Variants in ANO4 observed in about 807,000 individuals in gnomAD.
ANO4 encodes the protein anoctamin-4.
A neutral mutation model predicts 141.9 loss-of-function variants in ANO4; 69 were observed. The ratio of observed to expected loss-of-function variants is 0.49; its 90% CI spans 0.40 to 0.59. The LOEUF (loss-of-function observed/expected upper bound fraction) is 0.59, where lower values mean the gene tolerates loss of function less well. Ranked by LOEUF, ANO4 falls within the 20% of genes least tolerant of loss-of-function variation. The pLI is 0.00. For missense variants in ANO4, 894 were observed against 1,162.2 expected, an observed-to-expected ratio of 0.77 and a Z score of 3.36; for synonymous variants, 350 against 394.3, an observed-to-expected ratio of 0.89 and a Z score of 1.33.
intron 1 of ANO4, among the ~76,000 whole-genome samples, chr12:100,864,539 T>A (rs1221376494): frequency 6.6e-6 from 1 of 152,140 alleles, no homozygotes; most frequent in African/African-American, 2.4e-5. Flanking sequence ...TTCCTCTTCC[T>A]TTCGTAGGAT....
intron 16 of ANO4, among the ~76,000 whole-genome samples, chr12:101,085,242 G>A (rs1254676486): frequency 2.0e-5 from 3 of 152,270 alleles, no homozygotes; most frequent in African/African-American, 7.2e-5. Context: ...AGGTCTCTAA[G>A]ACATGTTAAT....
chr12:100,983,591 G>A (rs932174783), intron 7 of ANO4, among the ~76,000 whole-genome samples: 2 of 152,178 alleles, frequency 1.3e-5, no homozygotes, highest in African/African-American at 4.8e-5. Context: ...TTGGCTGAAA[G>A]TCTTCCTCAG....
chr12:100,945,258 G>T (rs1313617892), intron 5 of ANO4, among the ~76,000 whole-genome samples: 1 of 152,116 alleles, frequency 6.6e-6, no homozygotes, highest in South Asian at 2.1e-4. Flanking sequence ...TGAATTTCAA[G>T]AAACACAACT....
At chr12:100,793,445 A>G (rs1166586883), upstream of ANO4, among the ~76,000 whole-genome samples, 1 of 152,132 alleles carries the variant, frequency 6.6e-6, no homozygotes, top group Non-Finnish European at 1.5e-5. Context: ...AAGCTGTGGT[A>G]TTCAGGCTCC....
At chr12:100,952,638 G>A (rs1358409780) in intron 5 of ANO4, among the ~76,000 whole-genome samples, 1 of 152,172 alleles carries the variant, frequency 6.6e-6, no homozygotes, top group Non-Finnish European at 1.5e-5. Context: ...CCCCATATCA[G>A]TCTGTAGAAT....
chr12:101,031,169 C>T (rs1378401216), intron 9 of ANO4, among the ~76,000 whole-genome samples: 4 of 152,152 alleles, frequency 2.6e-5, no homozygotes, highest in South Asian at 2.1e-4. Context: ...TGATGAATAT[C>T]GATGCGAAAA....
rs143284807 is a variant in ANO4, at chr12:100,805,235, G to A, written c.-141+10208G>A. ...TTTCCCCATTGCTAGTGTTTGTCAG[G>A]TTTTTTCAAAGATCAGGTGGTTGTA... On this transcript the variant is annotated intron_variant, in intron 1 of 27. Coordinates refer to ENST00000392977, the MANE Select transcript of ANO4 (RefSeq NM_001286615.2). Among the ~76,000 whole-genome samples the A allele has an allele frequency of 2.9e-4, 44 of 152,194 alleles. 1 individual carries two copies. The highest frequency in any genetic ancestry group is 9.9e-4 in the African/African-American group (41 of 41,522).
chr12:100,800,085 C>T (rs924189808), intron 1 of ANO4, among the ~76,000 whole-genome samples: 2 of 152,098 alleles, frequency 1.3e-5, no homozygotes, highest in African/African-American at 4.8e-5. Context: ...TTTGTTTATG[C>T]TTGTGTGGAA....
At chr12:100,890,635 AT>A (rs764613391) in intron 1 of ANO4, among the ~76,000 whole-genome samples, 4 of 152,104 alleles carry the variant, frequency 2.6e-5, no homozygotes, top group Non-Finnish European at 5.9e-5. Context: ...AATAGCCTGT[AT>A]TTTTTAGAGC....
At chr12:100,764,761 T>C (rs2135535079) in intron 3 of ANO4, among the ~76,000 whole-genome samples, 1 of 152,344 alleles carries the variant, frequency 6.6e-6, no homozygotes, top group East Asian at 1.9e-4. Context: ...AGGAGACTTT[T>C]CCCACAGTTT....
upstream of ANO4, among the ~76,000 whole-genome samples, chr12:100,791,359 G>A (rs1454532428): frequency 1.3e-5 from 2 of 152,114 alleles, no homozygotes; most frequent in African/African-American, 2.4e-5. Flanking sequence ...GCAGTGAGCC[G>A]AGATCGCACC....
chr12:100,975,524 C>T (rs1052021000), intron 7 of ANO4, among the ~76,000 whole-genome samples: 2 of 43,932 alleles, frequency 4.6e-5, no homozygotes, highest in Admixed American at 3.7e-4. Context: ...TGGGTTCAAG[C>T]GATTCTCCTG....
In ANO4 at chr12:100,836,319, G is replaced by T. The variant is rs183020489; in HGVS notation, c.-141+41292G>T. ...TACTAGGCATTAAGCATACAAAAAT[G>T]AATAAAATATGAAGTCTTTTTATAT... is the stretch of plus-strand genomic sequence containing the variant. On this transcript the variant is annotated intron_variant, in intron 1 of 27. Transcript: ENST00000392977. Among the ~76,000 whole-genome samples the T allele has an allele frequency of 2.6e-5, 4 of 152,126 alleles. No homozygotes were observed. In the East Asian group the frequency reaches 7.8e-4, roughly 29 times the overall value.
At chr12:101,037,066 A>G (rs1479275151) in intron 9 of ANO4, 29 bp from the exon 10 acceptor site, 1 of 1,607,576 alleles carries the variant, frequency 6.2e-7, no homozygotes, top group Non-Finnish European at 8.5e-7. Flanking sequence ...ACTCTGTATT[A>G]ATTCAAATGG....
At chr12:100,802,708 T>C (rs1415630567) in intron 1 of ANO4, among the ~76,000 whole-genome samples, 1 of 152,194 alleles carries the variant, frequency 6.6e-6, no homozygotes, top group African/African-American at 2.4e-5. Context: ...GCTAACATTC[T>C]GGTCAGAGTG....
intron 9 of ANO4, among the ~76,000 whole-genome samples, chr12:101,034,644 G>C (rs535563633): frequency 8.6e-5 from 13 of 152,002 alleles, no homozygotes; most frequent in African/African-American, 3.1e-4. Flanking sequence ...CCACACATTA[G>C]GAGAAAAAAG....
At chr12:100,840,864 C>T (rs1000996306) in intron 1 of ANO4, among the ~76,000 whole-genome samples, 2 of 152,114 alleles carry the variant, frequency 1.3e-5, no homozygotes, top group Non-Finnish European at 2.9e-5. Flanking sequence ...TTATTTCCTG[C>T]ATTTGTCTTT....
chr12:101,061,247 C>T (rs2048332520), intron 14 of ANO4, among the ~76,000 whole-genome samples: 1 of 152,092 alleles, frequency 6.6e-6, no homozygotes, highest in African/African-American at 2.4e-5. Context: ...GCAGAGAGAT[C>T]TGCTGTTAGT....
chr12:101,068,323 T>C lies in ANO4; in HGVS notation c.1313-10870T>C. 3 of 1,249,276 alleles carry C rather than the reference T, an allele frequency of 2.4e-6. No individual in the cohort carries two copies. The South Asian group carries it at 3.6e-5, about 15-fold the overall frequency. 77.4% of individuals were successfully genotyped at this position (1,249,276 alleles called of 1,614,324 possible). A position where few individuals can be genotyped will look rare whatever the true frequency, so the allele number is the denominator to read the frequency against. Reference sequence around the variant, plus strand: ...CTCCTACGAAGGCTGACTTCAATGGTCCTTGAGAGAAGATGCAGAAACTGG... The same window carrying C: ...CTCCTACGAAGGCTGACTTCAATGGCCCTTGAGAGAAGATGCAGAAACTGG... On this transcript the variant is annotated intron_variant, in intron 14 of 27. Coordinates refer to ENST00000392977, the MANE Select transcript of ANO4 (RefSeq NM_001286615.2).
Sources: allele counts gnomAD v4.1 joint callset (sites outside exome capture counted in the v4.1 genomes callset), GRCh38; gene constraint gnomAD v4.1.1; transcripts MANE v1.5; gene names NCBI Gene and HGNC (gene_info 2026-07-23, HGNC 2026-07-21).